Variants in ZFYVE28 observed in about 807,000 individuals in gnomAD.
The protein encoded by ZFYVE28 is zinc finger FYVE-type containing 28.
In ZFYVE28, 40 loss-of-function variants were observed where a neutral mutation model predicts 82.1. That is an observed-to-expected ratio of 0.49 (90% CI 0.38 to 0.63). ZFYVE28 has a LOEUF of 0.63. Ranked by LOEUF, ZFYVE28 falls within the 30% of genes least tolerant of loss-of-function variation. The probability of loss-of-function intolerance (pLI) is 0.00; values close to 1 mark genes in which losing one functional copy is unlikely to be tolerated. For missense variants in ZFYVE28, 1,321 were observed against 1,242.1 expected (o/e 1.06, Z -0.96); for synonymous variants, 612 against 546.1 (o/e 1.12, Z -1.68).
At chr4:2,360,305 C>T (rs1246465801) in intron 1 of ZFYVE28, among the ~76,000 whole-genome samples, 1 of 151,730 alleles carries the variant, frequency 6.6e-6, no homozygotes, top group Non-Finnish European at 1.5e-5. Context: ...AAATACCCTG[C>T]CGCTGTACCT....
At chr4:2,312,914 G>A (rs1161065222) in intron 7 of ZFYVE28, among the ~76,000 whole-genome samples, 2 of 151,900 alleles carry the variant, frequency 1.3e-5, no homozygotes, top group Non-Finnish European at 2.9e-5. Flanking sequence ...GCATGGAGGC[G>A]CATGCCTATG....
At chr4:2,278,767 C>T (rs983397956) in intron 8 of ZFYVE28, among the ~76,000 whole-genome samples, 1 of 150,590 alleles carries the variant, frequency 6.6e-6, no homozygotes, top group Non-Finnish European at 1.5e-5. Context: ...AAAAAAAACA[C>T]TACTGAACAA....
At chr4:2,353,780 G>A (rs1386048413) in intron 2 of ZFYVE28, among the ~76,000 whole-genome samples, 153 bp downstream of exon 2, 1 of 152,172 alleles carries the variant, frequency 6.6e-6, no homozygotes, top group African/African-American at 2.4e-5. Flanking sequence ...TGCCCGGGAT[G>A]GTCCCTCTTC....
chr4:2,276,467 T>A (rs1414201260), intron 8 of ZFYVE28, among the ~76,000 whole-genome samples: 1 of 152,176 alleles, frequency 6.6e-6, no homozygotes, highest in East Asian at 1.9e-4. Flanking sequence ...CCCAGCCTCA[T>A]CAGAGCCTTA....
chr4:2,382,147 A>G (rs1728788381), intron 1 of ZFYVE28, among the ~76,000 whole-genome samples: 1 of 152,284 alleles, frequency 6.6e-6, no homozygotes, highest in Non-Finnish European at 1.5e-5. Context: ...ATCCCCAGGC[A>G]GAAGTTTGCT....
Position 2,341,565 on chromosome 4 carries a change from C to T in ZFYVE28, c.231G>A (p.Gln77=). The T allele has an allele frequency of 3.1e-6, 5 of 1,614,110 alleles. No individual in the cohort carries two copies. Among genetic ancestry groups the T allele is most frequent in the Non-Finnish European group, 4.2e-6 (5 of 1,180,018 alleles). The change falls in exon 3 of 13, where the codon CAG becomes CAA. Residue 77 remains glutamine (Q), a synonymous_variant. Transcript: ENST00000290974. This position sits in a 1 kb window ranked among gnomAD's most constrained non-coding sequence, Gnocchi z 4.5. The part of the protein sequence containing the change: ...INQIMDECIP[Q]DRAPRDFCVK... ...CGCAGAAATCTCTGGGGGCGCGGTC[C>T]TGGGGGATGCACTCATCCATGATCT...
intron 1 of ZFYVE28, among the ~76,000 whole-genome samples, chr4:2,365,623 G>T (rs1305865074): frequency 6.6e-6 from 1 of 152,102 alleles, no homozygotes; most frequent in African/African-American, 2.4e-5. Context: ...TCCCGCTCCG[G>T]CCTGGGTGGA....
chr4:2,358,805 C>T (rs1425160688), intron 1 of ZFYVE28, among the ~76,000 whole-genome samples: 2 of 151,684 alleles, frequency 1.3e-5, no homozygotes, highest in Non-Finnish European at 2.9e-5. Context: ...CAGTATCTCC[C>T]CCACTTTTTT....
At chr4:2,325,636 C>A (rs1719754126) in intron 6 of ZFYVE28, among the ~76,000 whole-genome samples, 1 of 124,812 alleles carries the variant, frequency 8.0e-6, no homozygotes, top group South Asian at 2.7e-4. Context: ...GAGTCTCTTT[C>A]CATTGCCCAG....
chr4:2,294,592 T>G (rs1714248739), intron 8 of ZFYVE28, among the ~76,000 whole-genome samples: 1 of 152,218 alleles, frequency 6.6e-6, no homozygotes, highest in Non-Finnish European at 1.5e-5. Context: ...AAAAAATTGA[T>G]AAATTGTACT....
intron 6 of ZFYVE28, chr4:2,324,826 C>T (rs896050029): frequency 1.9e-5 from 3 of 156,168 alleles, no homozygotes; most frequent in African/African-American, 7.2e-5. Context: ...AAAAGTCAGC[C>T]AGAACCCCAT....
chr4:2,350,260 C>A (rs888017998), intron 2 of ZFYVE28, among the ~76,000 whole-genome samples: 1 of 151,884 alleles, frequency 6.6e-6, no homozygotes, highest in African/African-American at 2.4e-5. Context: ...GTCAGGAGAT[C>A]GAGACCATCC....
chr4:2,403,956 C>T (rs4246694), intron 1 of ZFYVE28, among the ~76,000 whole-genome samples: 44,921 of 135,724 alleles, frequency 0.33, 7,550 homozygotes, highest in Admixed American at 0.48. Context: ...GTGACAAGAG[C>T]GAAACTCCAT....
chr4:2,310,611 T>C (rs1258358215), intron 7 of ZFYVE28, among the ~76,000 whole-genome samples: 1 of 152,086 alleles, frequency 6.6e-6, no homozygotes, highest in East Asian at 1.9e-4. Flanking sequence ...TGAGACCAGC[T>C]GGGGCAACAC....
chr4:2,360,279 A>G (rs1424459370), intron 1 of ZFYVE28, among the ~76,000 whole-genome samples: 1 of 151,962 alleles, frequency 6.6e-6, no homozygotes, highest in Non-Finnish European at 1.5e-5. Context: ...CTGACTTGGC[A>G]TCAGTGCCCA....
intron 1 of ZFYVE28, chr4:2,364,408 C>T: frequency 1.0e-6 from 1 of 982,262 alleles, no homozygotes. Context: ...CAGCCCCCCA[C>T]CTCTCCAAGC....
chr4:2,312,321 C>G (rs558310123), intron 7 of ZFYVE28, among the ~76,000 whole-genome samples: 1 of 152,006 alleles, frequency 6.6e-6, no homozygotes, highest in South Asian at 2.1e-4. Context: ...GCAGATGGCT[C>G]GAGCACAGGA....
intron 8 of ZFYVE28, among the ~76,000 whole-genome samples, chr4:2,290,078 A>T (rs1713371874): frequency 6.6e-6 from 1 of 152,198 alleles, no homozygotes; most frequent in African/African-American, 2.4e-5. Context: ...CTCAGCCAGC[A>T]GCGTGATGGC....
chr4:2,365,250 G>A (rs1286531052), intron 1 of ZFYVE28, among the ~76,000 whole-genome samples: 2 of 152,096 alleles, frequency 1.3e-5, no homozygotes, highest in African/African-American at 4.8e-5. Flanking sequence ...GTGCGCGGAG[G>A]CCACAGGCAG....
Sources: allele counts gnomAD v4.1 joint callset (sites outside exome capture counted in the v4.1 genomes callset), GRCh38; gene constraint gnomAD v4.1.1; non-coding constraint Gnocchi (gnomAD v3.1); transcripts MANE v1.5; gene names NCBI Gene and HGNC (gene_info 2026-07-23, HGNC 2026-07-21).